HSCB: variants seen among roughly 807,000 people sequenced by gnomAD.
HSCB encodes HscB mitochondrial iron-sulfur cluster cochaperone, also known as iron-sulfur cluster co-chaperone protein HscB.
Under a neutral mutation model 31.3 loss-of-function variants are expected in HSCB, and 23 were observed. That is an observed-to-expected ratio of 0.74 (90% CI 0.53 to 1.04). The LOEUF (loss-of-function observed/expected upper bound fraction) is 1.04, where lower values mean the gene tolerates loss of function less well. HSCB is among the 50% of genes least tolerant of loss of function. The pLI, the probability that HSCB is intolerant of heterozygous loss-of-function variation, is 0.00. For missense variants in HSCB, 297 were observed against 288.1 expected, an observed-to-expected ratio of 1.03 and a Z score of -0.22; for synonymous variants, 110 against 104.5, an observed-to-expected ratio of 1.05 and a Z score of -0.32.
At chr22:28,743,111 T>C (rs2054613425) in intron 1 of HSCB, among the ~76,000 whole-genome samples, 2 of 152,262 alleles carry the variant, frequency 1.3e-5, no homozygotes, top group Admixed American at 6.5e-5. Flanking sequence ...CAAGACCATC[T>C]TGTAGAGGGG....
At chr22:28,756,261 A>AAT (rs2030591616) in intron 5 of HSCB, among the ~76,000 whole-genome samples, 1 of 151,880 alleles carries the variant, frequency 6.6e-6, no homozygotes, top group South Asian at 2.1e-4. Context: ...AAAAAAAAAA[A>AAT]AAAGGAAAAT....
At chr22:28,743,748 A>G (rs2054634996) in intron 1 of HSCB, 134 bp from the exon 2 acceptor site, 1 of 700,414 alleles carries the variant, frequency 1.4e-6, no homozygotes, top group Non-Finnish European at 2.5e-6. Context: ...GTGTCCCTTC[A>G]TAGGACTTAC....
intron 3 of HSCB, among the ~76,000 whole-genome samples, 157 bp from the exon 4 acceptor site, chr22:28,745,707 T>C (rs1048246816): frequency 3.3e-5 from 5 of 152,240 alleles, no homozygotes; most frequent in Admixed American, 2.6e-4. Context: ...CCAGCATTTC[T>C]GTTTCAGTCC....
chr22:28,745,006 C>T (rs898020063), intron 3 of HSCB, among the ~76,000 whole-genome samples: 4 of 149,906 alleles, frequency 2.7e-5, no homozygotes, highest in African/African-American at 7.4e-5. Context: ...TCACTTGAGC[C>T]TGAGAGGTCA....
intron 1 of HSCB, 58 bp from the exon 2 acceptor site, chr22:28,743,824 T>C (rs1264108952): frequency 7.1e-7 from 1 of 1,418,324 alleles, no homozygotes; most frequent in Non-Finnish European, 9.9e-7. Flanking sequence ...ACCAGGCTCA[T>C]GGTAGATAAA....
chr22:28,748,222 TGA>T (rs2029959802), intron 4 of HSCB, among the ~76,000 whole-genome samples: 5 of 152,182 alleles, frequency 3.3e-5, no homozygotes, highest in Admixed American at 3.3e-4. Context: ...CAGTGTTCCC[TGA>T]GAGAGTGACA....
chr22:28,745,809 C>CATTA, intron 3 of HSCB, 55 bp from the exon 4 acceptor site: 1 of 1,462,084 alleles, frequency 6.8e-7, no homozygotes, highest in East Asian at 2.3e-5. Flanking sequence ...GTAGGATTTA[C>CATTA]ATTACTCTGC....
chr22:28,754,383 T>C (rs186255586), intron 5 of HSCB, among the ~76,000 whole-genome samples: 290 of 151,830 alleles, frequency 1.9e-3, no homozygotes, highest in African/African-American at 6.8e-3. Context: ...AAGAGTTCTG[T>C]GGAAGGTCAG....
Position 28,745,928 on chromosome 22 carries a change from T to C in HSCB, c.488T>C (p.Ile163Thr). 1 of 1,613,520 alleles carries C rather than the reference T, an allele frequency of 6.2e-7. No homozygotes were observed. Among genetic ancestry groups the C allele is most frequent in the South Asian group, 1.1e-5 (1 of 91,050 alleles). The change falls in exon 4 of 6, where the codon ATA (isoleucine) becomes ACA (threonine). Residue 163 changes from isoleucine (I) to threonine (T), a missense_variant. Ile to Thr is a moderately conservative substitution (Grantham distance 89, BLOSUM62 -1). Coordinates refer to ENST00000216027, the MANE Select transcript of HSCB (RefSeq NM_172002.5). ...TDYEMDRQFL[I>T]EIMEINEKLA... ...TATGAAATGGACAGGCAATTCCTCA[T>C]AGAAATAATGGAAATCAATGAAAAA...
intron 4 of HSCB, among the ~76,000 whole-genome samples, chr22:28,748,905 T>C (rs2347446): frequency 0.35 from 53,889 of 151,932 alleles, 10,056 homozygotes; most frequent in East Asian, 0.63. Flanking sequence ...TTTGGGAGGC[T>C]GAAGTGGAAG....
intron 5 of HSCB, among the ~76,000 whole-genome samples, chr22:28,752,289 C>G (rs540003254): frequency 6.6e-6 from 1 of 151,664 alleles, no homozygotes; most frequent in South Asian, 2.1e-4. Context: ...CAAAATTAGC[C>G]AGGCGCAGTG....
chr22:28,751,112 G>A, intron 4 of HSCB, 129 bp from the exon 5 acceptor site: 1 of 623,092 alleles, frequency 1.6e-6, no homozygotes, highest in East Asian at 2.8e-5. Context: ...AGGTTATGAA[G>A]CCTTACCCTT....
In HSCB at chr22:28,751,251, A is replaced by G. The variant is rs780338650; in HGVS notation, c.579A>G (p.Lys193=). Residue 193 remains lysine (K), a synonymous_variant, in exon 5 of 6, where the codon AAA becomes AAG. Transcript: ENST00000216027. ...GGTTTTCTTTTTCAGCTAAACAGAA[A>G]GAATTTACTGACAATGTGAGCAGTG... is the stretch of plus-strand genomic sequence containing the variant. The part of the protein sequence containing the change: ...EIESIVKAKQ[K]EFTDNVSSAF... The G allele has an allele frequency of 2.1e-5, 34 of 1,598,374 alleles. No homozygotes were observed. The highest frequency in any genetic ancestry group is 2.8e-5 in the Non-Finnish European group (33 of 1,169,324).
intron 5 of HSCB, among the ~76,000 whole-genome samples, chr22:28,753,317 G>A (rs1464456143): frequency 7.3e-6 from 1 of 137,210 alleles, no homozygotes; most frequent in Non-Finnish European, 1.6e-5. Flanking sequence ...TTTGAGGTCC[G>A]GAGTTCGAGA....
chr22:28,751,164 T>G, intron 4 of HSCB, 77 bp from the exon 5 acceptor site: 1 of 866,896 alleles, frequency 1.2e-6, no homozygotes, highest in Non-Finnish European at 1.9e-6. Context: ...ACCAGCATGA[T>G]TACAAAGTTT....
Position 28,742,065 on chromosome 22 carries a change from A to C in HSCB, c.-31A>C. 1 of 1,585,200 alleles carries C rather than the reference A, an allele frequency of 6.3e-7. No individual in the cohort carries two copies. ...GACGCTCTCTTTGCTTTTCCCCACGAGTGACCACGGCTAGATAGGCCGCCG... is the reference window on the plus strand; with the variant it reads ...GACGCTCTCTTTGCTTTTCCCCACGCGTGACCACGGCTAGATAGGCCGCCG... On this transcript the variant is annotated 5_prime_UTR_variant, in exon 1 of 6. Coordinates refer to ENST00000216027, the MANE Select transcript of HSCB (RefSeq NM_172002.5).
At chr22:28,754,565 G>A (rs2030474739) in intron 5 of HSCB, among the ~76,000 whole-genome samples, 1 of 151,936 alleles carries the variant, frequency 6.6e-6, no homozygotes, top group South Asian at 2.1e-4. Flanking sequence ...AGCTACTTGG[G>A]AGTCTGAGGC....
intron 1 of HSCB, 98 bp from the exon 2 acceptor site, chr22:28,743,784 T>C: frequency 1.0e-6 from 1 of 976,852 alleles, no homozygotes; most frequent in South Asian, 1.3e-5. Flanking sequence ...ACTGCTTATA[T>C]GTTATTGCAT....
chr22:28,756,933 C>T, intron 5 of HSCB, 145 bp from the exon 6 acceptor site: 1 of 679,804 alleles, frequency 1.5e-6, no homozygotes, highest in Non-Finnish European at 2.7e-6. Flanking sequence ...CAGATGTTCT[C>T]CCTCTTCGTT....
Sources: allele counts gnomAD v4.1 joint callset (sites outside exome capture counted in the v4.1 genomes callset), GRCh38; gene constraint gnomAD v4.1.1; transcripts MANE v1.5; gene names NCBI Gene and HGNC (gene_info 2026-07-23, HGNC 2026-07-21).